Variants in CCT4 observed in about 807,000 individuals in gnomAD.
CCT4 encodes the protein T-complex protein 1 subunit delta.
A neutral mutation model predicts 62.5 loss-of-function variants in CCT4; 17 were observed. The observed-to-expected ratio is 0.27, with a 90% CI of 0.19 to 0.41. The LOEUF (loss-of-function observed/expected upper bound fraction) is 0.41, where lower values mean the gene tolerates loss of function less well. Ranked by LOEUF, CCT4 falls within the 10% of genes least tolerant of loss-of-function variation. CCT4 has a pLI of 1.00. For missense variants in CCT4, 592 were observed against 659.2 expected (o/e 0.90, Z 1.12); for synonymous variants, 250 against 229.9 (o/e 1.09, Z -0.79).
At chr2:61,870,082 C>T (rs1343680038) in intron 12 of CCT4, among the ~76,000 whole-genome samples, 2 of 150,746 alleles carry the variant, frequency 1.3e-5, no homozygotes, top group Admixed American at 6.6e-5. Flanking sequence ...TCGAGACCAT[C>T]CTGGCTAACA....
At chr2:61,879,789 C>A (rs1669074672) in intron 4 of CCT4, among the ~76,000 whole-genome samples, 1 of 150,998 alleles carries the variant, frequency 6.6e-6, no homozygotes. Context: ...GTTGCCCAGG[C>A]TGGACTGCAA....
rs562396934 is a variant in CCT4 at position 61,878,146 on chromosome 2, C to T, written c.523-632G>A. Reference sequence around the variant, plus strand: ...CAACAGTATCACTTAGTGTCCCTAACACTACCTAACATTCAAACAAAATGA... The same window carrying T: ...CAACAGTATCACTTAGTGTCCCTAATACTACCTAACATTCAAACAAAATGA... On this transcript the variant is annotated intron_variant, in intron 5 of 13. Transcript: ENST00000394440. 3.9e-4 allele frequency among the ~76,000 whole-genome samples: 60 copies of T among 152,280 alleles called. No individual in the cohort carries two copies. In the South Asian group the frequency reaches 0.012, roughly 31 times the overall value.
At chr2:61,869,790 T>C (rs1300226176) in intron 12 of CCT4, among the ~76,000 whole-genome samples, 4 of 151,800 alleles carry the variant, frequency 2.6e-5, no homozygotes, top group Non-Finnish European at 4.4e-5. Context: ...CCCACCACCA[T>C]GCCCGGCTAA....
chr2:61,877,335 T>C, intron 6 of CCT4, 58 bp downstream of exon 6: 1 of 1,519,760 alleles, frequency 6.6e-7, no homozygotes, highest in East Asian at 2.3e-5. Flanking sequence ...TTATTTATTT[T>C]TGGCAATCTG....
At chr2:61,884,198 C>T (rs1669184905) in intron 2 of CCT4, among the ~76,000 whole-genome samples, 1 of 152,178 alleles carries the variant, frequency 6.6e-6, no homozygotes, top group Non-Finnish European at 1.5e-5. Flanking sequence ...TTTGGGTGTG[C>T]ATTCTCATTG....
At chr2:61,880,886 T>C (rs996050383) in intron 3 of CCT4, among the ~76,000 whole-genome samples, 2 of 151,906 alleles carry the variant, frequency 1.3e-5, no homozygotes, top group African/African-American at 4.8e-5. Flanking sequence ...TTTTAAAAAG[T>C]CTTTTTTGTT....
rs932454985 is a variant in CCT4, at chr2:61,877,331, A to C, written c.644+62T>G. ...GACTTTCATCTAGGTGTTTTTATTT[A>C]TTTTTGGCAATCTGATGCTCATTTT... On this transcript the variant is annotated intron_variant, in intron 6 of 13. Coordinates refer to ENST00000394440, the MANE Select transcript of CCT4 (RefSeq NM_006430.4). 6.0e-6 allele frequency: 9 copies of C among 1,509,556 alleles called. No individual in the cohort carries two copies. The African/African-American group carries it at 1.3e-4, about 21-fold the overall frequency. The allele number at this position is 1,509,556 out of a possible 1,614,324, so 93.5% of individuals were successfully genotyped here. A position where few individuals can be genotyped will look rare whatever the true frequency, so the allele number is the denominator to read the frequency against.
chr2:61,883,874 A>G (rs1669174514), intron 2 of CCT4, among the ~76,000 whole-genome samples: 1 of 152,180 alleles, frequency 6.6e-6, no homozygotes, highest in Admixed American at 6.6e-5. Context: ...TATTAATCAG[A>G]AACACGATTT....
At chr2:61,880,467 G>C in intron 3 of CCT4, 73 bp from the exon 4 acceptor site, 1 of 778,898 alleles carries the variant, frequency 1.3e-6, no homozygotes, top group South Asian at 1.6e-5. Flanking sequence ...TCAAATAATC[G>C]CACCAGTGTC....
At chr2:61,869,340 AAACC>A (rs762773073) in intron 13 of CCT4, 96 bp downstream of exon 13, 8 of 693,770 alleles carry the variant, frequency 1.2e-5, no homozygotes, top group African/African-American at 9.0e-5. Flanking sequence ...TGTCTCAAAA[AAACC>A]AACCAACCAA....
At chr2:61,878,138 G>C (rs1352502309) in intron 5 of CCT4, among the ~76,000 whole-genome samples, 1 of 152,146 alleles carries the variant, frequency 6.6e-6, no homozygotes, top group Non-Finnish European at 1.5e-5. Flanking sequence ...ATCACTTAGT[G>C]TCCCTAACAC....
chr2:61,884,326 T>TG (rs1669198126), intron 2 of CCT4, among the ~76,000 whole-genome samples: 1 of 152,160 alleles, frequency 6.6e-6, no homozygotes. Context: ...TGGTTTGAGA[T>TG]GGAGTCTCGC....
chr2:61,875,377 G>C (rs1238105723), intron 8 of CCT4, among the ~76,000 whole-genome samples: 1 of 151,906 alleles, frequency 6.6e-6, no homozygotes, highest in Admixed American at 6.6e-5. Context: ...AGGAGATCGA[G>C]ACCATCCTGG....
intron 1 of CCT4, among the ~76,000 whole-genome samples, chr2:61,887,609 G>A (rs1458827043): frequency 2.6e-5 from 4 of 152,000 alleles, no homozygotes; most frequent in Non-Finnish European, 5.9e-5. Flanking sequence ...ATTTCAACTC[G>A]ATTTCTCTTA....
chr2:61,883,564 TAA>T lies in CCT4; in HGVS notation c.181-18_181-17del, dbSNP rs766242053. 3 of 1,310,062 alleles carry T rather than the reference TAA, an allele frequency of 2.3e-6. No individual in the cohort carries two copies. The highest frequency in any genetic ancestry group is 3.2e-6 in the Non-Finnish European group (3 of 924,818). The allele number at this position is 1,310,062 out of a possible 1,614,324, so 81.2% of individuals were successfully genotyped here. ...CATCTTGAATCTAGAAAAAAAATTT[TAA>T]AGTTATATTTCAATGTCACACCTTA... On this transcript the variant is annotated splice_polypyrimidine_tract_variant and intron_variant, in intron 2 of 13. Transcript: ENST00000394440.
intron 3 of CCT4, 33 bp from the exon 4 acceptor site, chr2:61,880,427 G>T: frequency 1.6e-6 from 2 of 1,233,024 alleles, no homozygotes; most frequent in Non-Finnish European, 2.4e-6. Flanking sequence ...GTTGCTCAAT[G>T]AGAAATGACA....
intron 1 of CCT4, chr2:61,888,130 G>A (rs1669301833): frequency 4.4e-6 from 2 of 454,508 alleles, no homozygotes; most frequent in South Asian, 4.0e-5. Context: ...TATGAATGAT[G>A]CACAGTGCAG....
chr2:61,871,317 C>T lies in CCT4; in HGVS notation c.1491+765G>A, dbSNP rs145855003. On this transcript the variant is annotated intron_variant, in intron 12 of 13. Coordinates refer to ENST00000394440, the MANE Select transcript of CCT4 (RefSeq NM_006430.4). ...CCTCCCAAACAGCTGGGATTACAGGCGTGAGCCACCACGTCAGGCCTATTA... is the reference window on the plus strand; with the variant it reads ...CCTCCCAAACAGCTGGGATTACAGGTGTGAGCCACCACGTCAGGCCTATTA... 9.0e-3 allele frequency among the ~76,000 whole-genome samples: 1,368 copies of T among 152,184 alleles called. 19 individuals are homozygous for T. Among genetic ancestry groups the T allele is most frequent in the African/African-American group, 0.031 (1,292 of 41,516 alleles).
Position 61,872,487 on chromosome 2 carries a change from T to C in CCT4, c.1227A>G (p.Leu409=), listed in dbSNP as rs753646117. The C allele has an allele frequency of 3.2e-5, 52 of 1,613,772 alleles. No individual in the cohort carries two copies. In the South Asian group the frequency reaches 3.5e-4, roughly 11 times the overall value. Residue 409 remains leucine (L), a synonymous_variant, in exon 11 of 14, where the codon CTA becomes CTG. Transcript: ENST00000394440. ...TCTTCACTAAACAACGAATAACACA[T>C]AGGGCATCATGAATGGAGCGCTCAG... ...EEAERSIHDA[L]CVIRCLVKKR...
Sources: gnomAD v4.1 joint callset for allele counts (sites outside exome capture counted in the v4.1 genomes callset) on GRCh38, gnomAD v4.1.1 for gene constraint, MANE v1.5 for transcripts, NCBI Gene and HGNC (gene_info 2026-07-23, HGNC 2026-07-21) for gene names.